The following PCDHA4 variants were observed in gnomAD, a reference collection of about 807,000 sequenced individuals.
The protein encoded by PCDHA4 is protocadherin alpha 4, also known as protocadherin alpha-4.
A neutral mutation model predicts 61.4 loss-of-function variants in PCDHA4; 49 were observed. That is an observed-to-expected ratio of 0.80 (90% CI 0.63 to 1.01). PCDHA4 has a LOEUF of 1.01. Among genes scored for constraint, PCDHA4 ranks in the 50% least tolerant of loss-of-function variants. PCDHA4 has a pLI of 0.00. For missense variants in PCDHA4, 1,254 were observed against 1,235.8 expected (o/e 1.01, Z -0.22); for synonymous variants, 590 against 550.3 (o/e 1.07, Z -1.01).
At chr5:141,007,716 G>A (rs887681362) in intron 3 of PCDHA4, among the ~76,000 whole-genome samples, 4 of 152,246 alleles carry the variant, frequency 2.6e-5, no homozygotes, top group African/African-American at 4.8e-5. Context: ...CCCACCACCA[G>A]GGAGAACAAA....
intron 3 of PCDHA4, among the ~76,000 whole-genome samples, chr5:140,998,223 G>A (rs1554256200): frequency 6.6e-6 from 1 of 152,140 alleles, no homozygotes; most frequent in Non-Finnish European, 1.5e-5. Context: ...ACCACACCCA[G>A]AAATTTGTGC....
At chr5:140,958,442 T>C (rs1554223476) in intron 1 of PCDHA4, among the ~76,000 whole-genome samples, 1 of 152,178 alleles carries the variant, frequency 6.6e-6, no homozygotes, top group Non-Finnish European at 1.5e-5. Flanking sequence ...AATTTAAAAA[T>C]ACCTTTTATT....
At chr5:140,992,019 G>C (rs1326705755) in intron 3 of PCDHA4, among the ~76,000 whole-genome samples, 2 of 50,642 alleles carry the variant, frequency 3.9e-5, no homozygotes, top group African/African-American at 6.0e-5. Context: ...AGGTGGCTCT[G>C]TGTGTGTGTG....
chr5:140,988,574 T>C (rs538316418), intron 3 of PCDHA4, among the ~76,000 whole-genome samples: 1 of 152,342 alleles, frequency 6.6e-6, no homozygotes, highest in East Asian at 1.9e-4. Context: ...GAAAACACTC[T>C]GTACCTTCCA....
At position 140,808,765 on chromosome 5, in the gene PCDHA4, G is replaced by A. The variant is rs1409936636; in HGVS notation, c.1578G>A (p.Glu526=). 8 of 1,612,208 alleles carry A rather than the reference G, an allele frequency of 5.0e-6. No homozygotes were observed. Among genetic ancestry groups the A allele is most frequent in the Non-Finnish European group, 6.8e-6 (8 of 1,179,810 alleles). Residue 526 remains glutamate, a synonymous_variant, in exon 1 of 4, where the codon GAG becomes GAA. Coordinates refer to ENST00000530339, the MANE Select transcript of PCDHA4 (RefSeq NM_018907.4). ...ACGCGCTGCAGCCGCTGGACCACGA[G>A]GAGCTAGAGCTGCTGCAGTTTCAGG... ...KVYALQPLDH[E]ELELLQFQVT... is the part of the protein sequence containing the mutation.
At chr5:140,822,546 G>T (rs1474928230) in intron 1 of PCDHA4, 1 of 1,613,608 alleles carries the variant, frequency 6.2e-7, no homozygotes, top group Non-Finnish European at 8.5e-7. Context: ...CACCAAGTGG[G>T]ACATTAGTTA....
At chr5:140,887,704 C>A (rs1554183178) in intron 1 of PCDHA4, among the ~76,000 whole-genome samples, 1 of 152,104 alleles carries the variant, frequency 6.6e-6, no homozygotes, top group East Asian at 1.9e-4. Context: ...ATCAACCATA[C>A]TTCTTCTAAT....
intron 1 of PCDHA4, among the ~76,000 whole-genome samples, chr5:140,910,278 A>G (rs1261965132): frequency 6.6e-6 from 1 of 151,132 alleles, no homozygotes; most frequent in Non-Finnish European, 1.5e-5. Flanking sequence ...TTCTAGGAAC[A>G]CCATGATTAA....
At chr5:140,919,516 A>G (rs1207061379) in intron 1 of PCDHA4, among the ~76,000 whole-genome samples, 2 of 152,078 alleles carry the variant, frequency 1.3e-5, no homozygotes. Flanking sequence ...TATATGTTTT[A>G]ATTCTCTTTT....
At chr5:140,892,236 C>T (rs1490048562) in intron 1 of PCDHA4, among the ~76,000 whole-genome samples, 3 of 152,140 alleles carry the variant, frequency 2.0e-5, no homozygotes, top group African/African-American at 7.2e-5. Context: ...TTTGTCTCCA[C>T]ATAAACCTGG....
intron 1 of PCDHA4, chr5:140,870,600 C>T (rs2052205241): frequency 6.2e-7 from 1 of 1,613,338 alleles, no homozygotes. Context: ...GGCGGTTGGG[C>T]GACCGCGCGC....
At chr5:140,968,210 A>T (rs376166734) in intron 1 of PCDHA4, 4 of 1,613,882 alleles carry the variant, frequency 2.5e-6, no homozygotes, top group Non-Finnish European at 3.4e-6. Flanking sequence ...ACAGGAGAAC[A>T]ATTTGCCAGG....
At chr5:140,927,174 C>G (rs782406584) in intron 1 of PCDHA4, 2 of 1,614,186 alleles carry the variant, frequency 1.2e-6, no homozygotes, top group Non-Finnish European at 8.5e-7. Context: ...CTGCCTGCGT[C>G]TTGACCTACG....
intron 1 of PCDHA4, chr5:140,850,145 G>T: frequency 1.3e-6 from 2 of 1,595,560 alleles, no homozygotes; most frequent in South Asian, 1.1e-5. Context: ...GCAACGTGAC[G>T]CTGCAGGTGT....
intron 3 of PCDHA4, among the ~76,000 whole-genome samples, chr5:141,000,542 C>T (rs1331109215): frequency 6.7e-6 from 1 of 148,268 alleles, no homozygotes; most frequent in Non-Finnish European, 1.5e-5. Context: ...ATTCTCATGC[C>T]TCAAACTCCC....
At chr5:140,969,450 G>A (rs1554231822) in intron 1 of PCDHA4, 4 of 1,511,552 alleles carry the variant, frequency 2.6e-6, no homozygotes, top group Non-Finnish European at 3.6e-6. Flanking sequence ...GGTAAACTGA[G>A]TATATATAGT....
chr5:140,838,214 A>C (rs1211623203), intron 1 of PCDHA4, among the ~76,000 whole-genome samples: 1 of 149,876 alleles, frequency 6.7e-6, no homozygotes, highest in Non-Finnish European at 1.5e-5. Context: ...CTCTGGTACA[A>C]GCAGTTCTCA....
At chr5:141,007,149 T>G (rs980574316) in intron 3 of PCDHA4, among the ~76,000 whole-genome samples, 12 of 152,084 alleles carry the variant, frequency 7.9e-5, no homozygotes, top group African/African-American at 2.9e-4. Context: ...CAAAGGAAAC[T>G]GTCAAAGAAC....
At chr5:140,924,762 G>A (rs1554202136) in intron 1 of PCDHA4, among the ~76,000 whole-genome samples, 1 of 151,856 alleles carries the variant, frequency 6.6e-6, no homozygotes, top group Non-Finnish European at 1.5e-5. Context: ...GAGCATGGTG[G>A]TGCGCGCTTG....
Sources: allele counts gnomAD v4.1 joint callset (sites outside exome capture counted in the v4.1 genomes callset), GRCh38; gene constraint gnomAD v4.1.1; transcripts MANE v1.5; gene names NCBI Gene and HGNC (gene_info 2026-07-23, HGNC 2026-07-21).